The following UTP20 variants were observed in gnomAD, a reference collection of about 807,000 sequenced individuals.
UTP20 encodes the protein small subunit processome component 20 homolog.
UTP20 carries 164 observed loss-of-function variants against 329.5 expected under a neutral mutation model. The observed-to-expected ratio is 0.50, with a 90% CI of 0.44 to 0.57. The LOEUF (loss-of-function observed/expected upper bound fraction) is 0.57. Among genes scored for constraint, UTP20 ranks in the 20% least tolerant of loss-of-function variants. UTP20 has a pLI of 0.00. For missense variants in UTP20, 3,055 were observed against 3,284.2 expected, an observed-to-expected ratio of 0.93 and a Z score of 1.71; for synonymous variants, 1,151 against 1,159.3, an observed-to-expected ratio of 0.99 and a Z score of 0.14.
intron 38 of UTP20, among the ~76,000 whole-genome samples, chr12:101,350,268 A>G (rs778579293): frequency 1.1e-4 from 16 of 151,934 alleles, no homozygotes; most frequent in Non-Finnish European, 2.1e-4. Flanking sequence ...CTGGACTCAA[A>G]CGATCCTCCT....
intron 41 of UTP20, 95 bp from the exon 42 acceptor site, chr12:101,356,458 TC>T: frequency 8.9e-7 from 1 of 1,128,878 alleles, no homozygotes; most frequent in Non-Finnish European, 1.2e-6. Flanking sequence ...CATCCATCCT[TC>T]TAGAAAAACT....
intron 27 of UTP20, 140 bp downstream of exon 27, chr12:101,329,589 A>T: frequency 1.3e-6 from 1 of 762,612 alleles, no homozygotes; most frequent in Non-Finnish European, 2.0e-6. Context: ...AAAATTGTAA[A>T]TGATTTAAGT....
At chr12:101,370,052 TA>T (rs368067856) in intron 49 of UTP20, among the ~76,000 whole-genome samples, 161 bp downstream of exon 49, 279 of 122,068 alleles carry the variant, frequency 2.3e-3, no homozygotes, top group Middle Eastern at 0.013. Context: ...CGTGTCTACA[TA>T]AAAAAAAAAA....
At position 101,344,657 on chromosome 12, in the gene UTP20, A is replaced by G. The variant is rs1479915844; in HGVS notation, c.4512A>G (p.Leu1504=). ...SMCLMSIIKK[L]AALNVTEKDY... The stretch of plus-strand genomic sequence containing the variant: ...GCCTGATGAGTATCATCAAAAAGCT[A>G]GCTGCCTTGAATGTCACAGAGAAAG... The change falls in exon 36 of 62, where the codon CTA becomes CTG. Residue 1504 remains leucine (L), a synonymous_variant. Coordinates refer to ENST00000261637, the MANE Select transcript of UTP20 (RefSeq NM_014503.3). 1 of 1,532,378 alleles carries G rather than the reference A, an allele frequency of 6.5e-7. No individual in the cohort carries two copies. The highest frequency in any genetic ancestry group is 9.0e-7 in the Non-Finnish European group (1 of 1,105,430). 94.9% of individuals were successfully genotyped at this position (1,532,378 alleles called of 1,614,324 possible).
chr12:101,328,231 T>C (rs1182087781), intron 26 of UTP20, among the ~76,000 whole-genome samples: 1 of 152,238 alleles, frequency 6.6e-6, no homozygotes, highest in Non-Finnish European at 1.5e-5. Context: ...AAAAAAAGTT[T>C]CTGTTCAATG....
intron 14 of UTP20, among the ~76,000 whole-genome samples, chr12:101,301,891 ACATAC>A (rs932562422): frequency 3.3e-5 from 5 of 152,110 alleles, no homozygotes; most frequent in African/African-American, 4.8e-5. Flanking sequence ...GGTTAATGGA[ACATAC>A]ACATTTTTAT....
intron 56 of UTP20, among the ~76,000 whole-genome samples, chr12:101,378,762 C>G (rs927647226): frequency 1.3e-5 from 2 of 151,962 alleles, no homozygotes; most frequent in African/African-American, 4.8e-5. Flanking sequence ...TTAATGTCAC[C>G]TTATCTCCCT....
chr12:101,383,479 C>G, intron 59 of UTP20, 64 bp from the exon 60 acceptor site: 1 of 1,563,566 alleles, frequency 6.4e-7, no homozygotes, highest in Non-Finnish European at 8.7e-7. Flanking sequence ...TCAATTAATG[C>G]TGTGTCTATG....
intron 29 of UTP20, among the ~76,000 whole-genome samples, chr12:101,336,808 T>C (rs1176261292): frequency 2.6e-5 from 4 of 152,242 alleles, no homozygotes; most frequent in Non-Finnish European, 5.9e-5. Context: ...GTCTGAGTGA[T>C]TGGAATTGCT....
At chr12:101,293,277 A>G (rs2137236317) in intron 11 of UTP20, 32 bp downstream of exon 11, 2 of 1,591,736 alleles carry the variant, frequency 1.3e-6, no homozygotes, top group East Asian at 2.2e-5. Context: ...GAGTATTTTT[A>G]AAAACAAATC....
chr12:101,326,533 G>T (rs117677686), intron 25 of UTP20, among the ~76,000 whole-genome samples: 1 of 151,436 alleles, frequency 6.6e-6, no homozygotes, highest in Admixed American at 6.6e-5. Context: ...ATATTTATGT[G>T]TTTTCCTGAA....
chr12:101,333,238 T>C (rs1868816859), intron 27 of UTP20, 63 bp from the exon 28 acceptor site: 3 of 1,529,244 alleles, frequency 2.0e-6, no homozygotes, highest in Non-Finnish European at 1.8e-6. Context: ...AGTGCCTCTC[T>C]GAGGAATCAG....
Position 101,363,729 on chromosome 12 carries a change from C to T in UTP20, c.5944C>T (p.Leu1982Phe), listed in dbSNP as rs1870004135. The T allele has an allele frequency of 1.2e-6, 2 of 1,604,526 alleles. No individual in the cohort carries two copies. The highest frequency in any genetic ancestry group is 1.7e-6 in the Non-Finnish European group (2 of 1,171,398). The change falls in exon 45 of 62, where the codon CTT becomes TTT. Residue 1982 changes from leucine (L) to phenylalanine (F), a missense_variant. Coordinates refer to ENST00000261637, the MANE Select transcript of UTP20 (RefSeq NM_014503.3). ...AAAAGATCAGGTTACAAAACTCATCCTTCCATTAAAAGAGGTAAGGACGTA... is the reference window on the plus strand; with the variant it reads ...AAAAGATCAGGTTACAAAACTCATCTTTCCATTAAAAGAGGTAAGGACGTA... ...VGKDQVTKLILPLKEILQNTT... is the reference protein window; with the variant it reads ...VGKDQVTKLIFPLKEILQNTT...
rs1869185828 is a variant in UTP20, at chr12:101,342,854, T to C, written c.4296+17T>C. 1 of 1,611,750 alleles carries C rather than the reference T, an allele frequency of 6.2e-7. No homozygotes were observed. Among genetic ancestry groups the C allele is most frequent in the African/African-American group, 1.3e-5 (1 of 74,784 alleles). On this transcript the variant is annotated intron_variant, in intron 34 of 61. Transcript: ENST00000261637. Reference sequence around the variant, plus strand: ...GTTGTCAAGGTAAGAAAGAAGGGTTTCTCTTTGGCTTCAAAAGTATTATCA... The same window carrying C: ...GTTGTCAAGGTAAGAAAGAAGGGTTCCTCTTTGGCTTCAAAAGTATTATCA...
At position 101,344,696 on chromosome 12, in the gene UTP20, C is replaced by T. The variant is rs1278881888; in HGVS notation, c.4551C>T (p.Ile1517=). 1.2e-6 allele frequency: 2 copies of T among 1,613,242 alleles called. No individual in the cohort carries two copies. Among genetic ancestry groups the T allele is most frequent in the Admixed American group, 1.7e-5 (1 of 60,010 alleles). ...LNVTEKDYRE[I]IHRSLLEKLR... The stretch of plus-strand genomic sequence containing the variant: ...TCACAGAGAAAGACTATAGAGAAAT[C>T]ATCCACCGTTCACTCCTGGAGAAAT... The change falls in exon 36 of 62, where the codon ATC becomes ATT. Residue 1517 remains isoleucine (I), a synonymous_variant. Coordinates refer to ENST00000261637, the MANE Select transcript of UTP20 (RefSeq NM_014503.3).
In UTP20 at chr12:101,299,811, A is replaced by T. The variant is rs758264525; in HGVS notation, c.1560A>T (p.Ala520=). ...CTACTTACCTTTCACAATCTTGGGC[A>T]GCCCTCGTGGTGTTACCTCATATTA... ...KDTTYLSQSW[A]ALVVLPHIRP... is the part of the protein sequence containing the mutation. The change falls in exon 13 of 62, where the codon GCA becomes GCT. Residue 520 remains alanine, a synonymous_variant. Transcript: ENST00000261637. The T allele has an allele frequency of 6.2e-7, 1 of 1,611,026 alleles. No individual in the cohort carries two copies. The highest frequency in any genetic ancestry group is 1.1e-5 in the South Asian group (1 of 89,992).
intron 52 of UTP20, 141 bp from the exon 53 acceptor site, chr12:101,373,260 A>G (rs1870351712): frequency 1.3e-6 from 1 of 789,168 alleles, no homozygotes; most frequent in Admixed American, 2.4e-5. Context: ...GGATACATAC[A>G]AGCATTAAAA....
chr12:101,315,099 G>C (rs1313360143), intron 21 of UTP20, among the ~76,000 whole-genome samples: 2 of 151,752 alleles, frequency 1.3e-5, no homozygotes, highest in African/African-American at 4.8e-5. Flanking sequence ...CTTTGTCTCT[G>C]CTCCCAAAAA....
At chr12:101,297,872 A>G (rs1289589022) in intron 12 of UTP20, among the ~76,000 whole-genome samples, 1 of 152,148 alleles carries the variant, frequency 6.6e-6, no homozygotes, top group Non-Finnish European at 1.5e-5. Context: ...CAGGAGGGTG[A>G]CGTGTTAAAT....
Sources: allele counts gnomAD v4.1 joint callset (sites outside exome capture counted in the v4.1 genomes callset), GRCh38; gene constraint gnomAD v4.1.1; transcripts MANE v1.5; gene names NCBI Gene and HGNC (gene_info 2026-07-23, HGNC 2026-07-21).